EPHA6: variants seen among roughly 807,000 people sequenced by gnomAD.
EPHA6 encodes the protein ephrin type-A receptor 6.
Under a neutral mutation model 112.0 loss-of-function variants are expected in EPHA6, and 50 were observed. The observed-to-expected ratio is 0.45, with a 90% CI of 0.36 to 0.56. EPHA6 has a LOEUF of 0.56. Among genes scored for constraint, EPHA6 ranks in the 20% least tolerant of loss-of-function variants. The pLI, the probability that EPHA6 is intolerant of heterozygous loss-of-function variation, is 0.00. For synonymous variants in EPHA6, 529 were observed against 490.7 expected, an observed-to-expected ratio of 1.08 and a Z score of -1.03; for missense variants, 1,280 against 1,417.4, an observed-to-expected ratio of 0.90 and a Z score of 1.56.
At chr3:96,821,302 A>G (rs1249916617) in intron 1 of EPHA6, among the ~76,000 whole-genome samples, 2 of 152,000 alleles carry the variant, frequency 1.3e-5, no homozygotes, top group African/African-American at 4.8e-5. Flanking sequence ...GAAAATTCAT[A>G]TTCTGGAGAT....
At chr3:96,966,999 C>T (rs888203551) in intron 2 of EPHA6, among the ~76,000 whole-genome samples, 1 of 151,736 alleles carries the variant, frequency 6.6e-6, no homozygotes, top group African/African-American at 2.4e-5. Flanking sequence ...TAATTTTTAA[C>T]CACTTAGGAA....
At chr3:97,569,863 T>C (rs1159857859) in intron 11 of EPHA6, 1 of 152,202 alleles carries the variant, frequency 6.6e-6, no homozygotes, top group Non-Finnish European at 1.5e-5. Flanking sequence ...TCCTGGTTCA[T>C]GTTGGTCAAA....
At chr3:97,045,855 G>A (rs1288878549) in intron 3 of EPHA6, among the ~76,000 whole-genome samples, 7 of 151,876 alleles carry the variant, frequency 4.6e-5, no homozygotes, top group Admixed American at 1.3e-4. Flanking sequence ...AGATTTTGTC[G>A]CCATTCTTTT....
chr3:97,668,852 G>T (rs1168545658), intron 14 of EPHA6, among the ~76,000 whole-genome samples: 1 of 129,718 alleles, frequency 7.7e-6, no homozygotes, highest in Non-Finnish European at 1.6e-5. Flanking sequence ...GGTAAAGGTT[G>T]CAGTGAGCCA....
At chr3:97,020,255 T>C (rs1278895978) in intron 3 of EPHA6, among the ~76,000 whole-genome samples, 1 of 152,166 alleles carries the variant, frequency 6.6e-6, no homozygotes, top group Non-Finnish European at 1.5e-5. Flanking sequence ...TCAGATGACC[T>C]CAGTGAATCC....
chr3:97,683,509 A>T (rs115593711), intron 14 of EPHA6, among the ~76,000 whole-genome samples: 3,395 of 152,298 alleles, frequency 0.022, 52 homozygotes, highest in Admixed American at 0.036. Flanking sequence ...TCATATTTGG[A>T]ATAGAATTAA....
chr3:97,011,781 A>G (rs766114155), intron 3 of EPHA6, among the ~76,000 whole-genome samples: 18 of 152,058 alleles, frequency 1.2e-4, no homozygotes, highest in Non-Finnish European at 2.1e-4. Flanking sequence ...TAGTTTTTCA[A>G]CCCTTATCCC....
intron 11 of EPHA6, among the ~76,000 whole-genome samples, chr3:97,536,579 C>A (rs1211246629): frequency 1.3e-5 from 2 of 152,094 alleles, no homozygotes; most frequent in Non-Finnish European, 2.9e-5. Flanking sequence ...GCTCAAAACC[C>A]CCTTTAATAC....
Position 96,988,006 on chromosome 3 carries a change from C to T in EPHA6, c.1114+13C>T. On this transcript the variant is annotated intron_variant, in intron 3 of 17. Coordinates refer to ENST00000389672, the MANE Select transcript of EPHA6 (RefSeq NM_001080448.3). ...GGTTCTTGCCATGGTAAGAAACAAACATTTAAATAATTTATCTTGCATTTA... is the reference window on the plus strand; with the variant it reads ...GGTTCTTGCCATGGTAAGAAACAAATATTTAAATAATTTATCTTGCATTTA... The T allele has an allele frequency of 1.3e-6, 2 of 1,521,444 alleles. No individual in the cohort carries two copies. The highest frequency in any genetic ancestry group is 1.8e-6 in the Non-Finnish European group (2 of 1,132,010). The allele number at this position is 1,521,444 out of a possible 1,614,324, so 94.2% of individuals were successfully genotyped here.
chr3:97,607,996 A>T (rs530935464), intron 12 of EPHA6, among the ~76,000 whole-genome samples: 6 of 151,082 alleles, frequency 4.0e-5, no homozygotes, highest in Non-Finnish European at 8.9e-5. Flanking sequence ...AAATGTAATC[A>T]TGGATTGTAA....
In EPHA6 at chr3:97,226,355, T is replaced by G. The variant is rs758462964; in HGVS notation, c.1206T>G (p.Ser402=). ...GTTTAACATACATGGAAGCAACTTC[T>G]GTCTGTCAGTGTGAAAAGGGTTATT... ...PHSLTYMEAT[S]VCQCEKGYFR... is the part of the protein sequence containing the mutation. The change falls in exon 4 of 18, where the codon TCT becomes TCG. Residue 402 remains serine (S), a synonymous_variant. Transcript: ENST00000389672. 2.5e-6 allele frequency: 4 copies of G among 1,613,848 alleles called. No homozygotes were observed. In the South Asian group the frequency reaches 4.4e-5, roughly 18 times the overall value.
At chr3:97,551,855 C>T in intron 11 of EPHA6, among the ~76,000 whole-genome samples, 1 of 152,010 alleles carries the variant, frequency 6.6e-6, no homozygotes, top group Non-Finnish European at 1.5e-5. Context: ...AAAGGAAATA[C>T]AAAGCTACTG....
chr3:97,461,732 A>C (rs2090895339), intron 7 of EPHA6, among the ~76,000 whole-genome samples: 1 of 152,100 alleles, frequency 6.6e-6, no homozygotes, highest in African/African-American at 2.4e-5. Flanking sequence ...TTTTGGTGTT[A>C]GTTTTTGTTT....
chr3:97,022,916 T>G (rs9877849), intron 3 of EPHA6, among the ~76,000 whole-genome samples: 25,023 of 152,036 alleles, frequency 0.16, 2,393 homozygotes, highest in Non-Finnish European at 0.22. Context: ...CACAGCAGCA[T>G]TATTTACATC....
intron 10 of EPHA6, among the ~76,000 whole-genome samples, chr3:97,530,464 G>T (rs1014072238): frequency 7.3e-5 from 11 of 151,600 alleles, no homozygotes; most frequent in African/African-American, 2.4e-4. Context: ...AGTTTGCATT[G>T]GTCACCAAAC....
intron 6 of EPHA6, among the ~76,000 whole-genome samples, chr3:97,421,719 A>G (rs1359231520): frequency 1.3e-5 from 2 of 152,180 alleles, no homozygotes; most frequent in Non-Finnish European, 2.9e-5. Flanking sequence ...GCCTTGGCAG[A>G]TACTTTAGAG....
chr3:97,111,280 T>C (rs1477112309), intron 3 of EPHA6, among the ~76,000 whole-genome samples: 1 of 152,208 alleles, frequency 6.6e-6, no homozygotes, highest in African/African-American at 2.4e-5. Context: ...TTATAAAATA[T>C]ATCCACTGAA....
intron 2 of EPHA6, among the ~76,000 whole-genome samples, chr3:96,985,139 G>A (rs961095615): frequency 5.9e-5 from 9 of 152,092 alleles, no homozygotes; most frequent in Non-Finnish European, 1.2e-4. Flanking sequence ...CTTCTGTGTC[G>A]CTCATGCTAG....
chr3:96,930,186 T>G lies in EPHA6; in HGVS notation c.451-57144T>G, dbSNP rs145455464. ...TATGTTACTTTAGCTCAGCAAAGTT[T>G]GTTATTACCTACCTTCTGAAGGCTA... On this transcript the variant is annotated intron_variant, in intron 2 of 17. Transcript: ENST00000389672. Among the ~76,000 whole-genome samples, 195 of 152,348 alleles carry G rather than the reference T, an allele frequency of 1.3e-3. 1 individual carries two copies. Among genetic ancestry groups the G allele is most frequent in the African/African-American group, 4.4e-3 (185 of 41,582 alleles).
Sources: allele counts gnomAD v4.1 joint callset (sites outside exome capture counted in the v4.1 genomes callset), GRCh38; gene constraint gnomAD v4.1.1; transcripts MANE v1.5; gene names NCBI Gene and HGNC (gene_info 2026-07-23, HGNC 2026-07-21).